CNTN6: variants seen among roughly 807,000 people sequenced by gnomAD.
CNTN6 encodes the protein contactin 6, also known as contactin-6.
CNTN6 carries 137 observed loss-of-function variants against 122.8 expected under a neutral mutation model. The observed-to-expected ratio is 1.12, with a 90% CI of 0.97 to 1.29. The LOEUF (loss-of-function observed/expected upper bound fraction) is 1.29, where lower values mean the gene tolerates loss of function less well. CNTN6 is among the 50% of genes most tolerant of loss of function. CNTN6 has a pLI of 0.00. For missense variants in CNTN6, 1,634 were observed against 1,223.4 expected, an observed-to-expected ratio of 1.34 and a Z score of -5.01; for synonymous variants, 570 against 426.0, an observed-to-expected ratio of 1.34 and a Z score of -4.16.
chr3:1,093,163 G>A (rs2090331621), intron 1 of CNTN6, 43 bp downstream of exon 1: 1 of 227,336 alleles, frequency 4.4e-6, no homozygotes, highest in Non-Finnish European at 9.0e-6. Flanking sequence ...CTGCTGCAAT[G>A]AGAATATTGC....
intron 1 of CNTN6, among the ~76,000 whole-genome samples, chr3:1,102,505 C>T (rs1022462418): frequency 7.3e-4 from 111 of 151,748 alleles, no homozygotes; most frequent in Middle Eastern, 6.8e-3. Flanking sequence ...CCGAGGTGGG[C>T]GGATCACCAG....
At chr3:1,294,604 T>G (rs960988331) in intron 5 of CNTN6, among the ~76,000 whole-genome samples, 25 of 152,172 alleles carry the variant, frequency 1.6e-4, no homozygotes, top group African/African-American at 5.8e-4. Context: ...CCACAAGATT[T>G]CCAGAGATGG....
rs191575643 is a variant in CNTN6, at chr3:1,225,879, G to T, written c.183-1939G>T. ...AATAATTTCAAAGTTAACAGAGTTG[G>T]TTCAAAACCTTTGATTGATTTGACA... is the stretch of plus-strand genomic sequence containing the variant. On this transcript the variant is annotated intron_variant, in intron 3 of 22. Coordinates refer to ENST00000446702, the MANE Select transcript of CNTN6 (RefSeq NM_001289080.2). Among the ~76,000 whole-genome samples the T allele has an allele frequency of 1.4e-3, 217 of 152,146 alleles. No homozygotes were observed. In the Middle Eastern group the frequency reaches 0.017, roughly 12 times the overall value.
At chr3:1,276,058 A>T (rs905287725) in intron 4 of CNTN6, among the ~76,000 whole-genome samples, 1 of 152,220 alleles carries the variant, frequency 6.6e-6, no homozygotes, top group African/African-American at 2.4e-5. Flanking sequence ...AGGTTGTTAA[A>T]AAATAAGCAA....
intron 3 of CNTN6, among the ~76,000 whole-genome samples, chr3:1,222,884 C>G (rs573868849): frequency 6.6e-6 from 1 of 152,008 alleles, no homozygotes; most frequent in Admixed American, 6.6e-5. Context: ...AGGCCCCAGT[C>G]GTTGTTCCCC....
intron 4 of CNTN6, among the ~76,000 whole-genome samples, chr3:1,271,070 G>T (rs9883084): frequency 0.22 from 33,494 of 152,022 alleles, 4,398 homozygotes; most frequent in East Asian, 0.52. Context: ...TAGAGACAGG[G>T]TTTCACCATG....
At chr3:1,275,387 T>A (rs1482688902) in intron 4 of CNTN6, among the ~76,000 whole-genome samples, 1 of 152,204 alleles carries the variant, frequency 6.6e-6, no homozygotes, top group Non-Finnish European at 1.5e-5. Context: ...CTTGGCAAGA[T>A]CACATATGAC....
At chr3:1,343,869 A>G (rs947991865) in intron 11 of CNTN6, among the ~76,000 whole-genome samples, 2 of 152,196 alleles carry the variant, frequency 1.3e-5, no homozygotes, top group Non-Finnish European at 1.5e-5. Context: ...ACATATTCAA[A>G]GTGATCTGAC....
chr3:1,365,947 T>A (rs1708157325), intron 12 of CNTN6, among the ~76,000 whole-genome samples: 1 of 152,158 alleles, frequency 6.6e-6, no homozygotes, highest in Admixed American at 6.5e-5. Context: ...TATTTGAATG[T>A]TTCTTAAATA....
chr3:1,241,854 G>T (rs992188981), intron 4 of CNTN6, among the ~76,000 whole-genome samples: 4 of 151,948 alleles, frequency 2.6e-5, no homozygotes, highest in African/African-American at 9.7e-5. Flanking sequence ...TTGTGATTTT[G>T]AAGGCCTCTA....
At chr3:1,128,900 AC>A (rs1362890213) in intron 1 of CNTN6, among the ~76,000 whole-genome samples, 2 of 151,980 alleles carry the variant, frequency 1.3e-5, no homozygotes, top group Non-Finnish European at 2.9e-5. Context: ...GTTCCATAAA[AC>A]CATTTTGGAT....
chr3:1,341,849 C>A (rs867893733), intron 11 of CNTN6, among the ~76,000 whole-genome samples: 2 of 152,080 alleles, frequency 1.3e-5, no homozygotes, highest in Admixed American at 6.6e-5. Context: ...ATTACAGACA[C>A]TAAGAATTCT....
At chr3:1,363,039 A>G (rs758290955) in intron 12 of CNTN6, among the ~76,000 whole-genome samples, 1 of 151,946 alleles carries the variant, frequency 6.6e-6, no homozygotes, top group Non-Finnish European at 1.5e-5. Context: ...CCCCCCAAAT[A>G]AAGACAAAAT....
At chr3:1,183,250 C>T (rs1206761203) in intron 2 of CNTN6, among the ~76,000 whole-genome samples, 1 of 152,050 alleles carries the variant, frequency 6.6e-6, no homozygotes, top group East Asian at 1.9e-4. Flanking sequence ...ATAAAAGGCA[C>T]CTGTGAATCC....
At chr3:1,371,427 C>T (rs995993162) in intron 12 of CNTN6, among the ~76,000 whole-genome samples, 1 of 151,956 alleles carries the variant, frequency 6.6e-6, no homozygotes, top group Non-Finnish European at 1.5e-5. Flanking sequence ...TAAGATGGTA[C>T]ATATCTAAAT....
intron 2 of CNTN6, among the ~76,000 whole-genome samples, chr3:1,181,794 G>A (rs1226633597): frequency 6.6e-6 from 1 of 152,052 alleles, no homozygotes; most frequent in Non-Finnish European, 1.5e-5. Context: ...ATTTTATTCT[G>A]CTCAGTCAGG....
chr3:1,270,792 G>GA (rs1473085201), intron 4 of CNTN6, among the ~76,000 whole-genome samples: 2 of 152,220 alleles, frequency 1.3e-5, no homozygotes, highest in East Asian at 3.8e-4. Flanking sequence ...TGAAAAGAGA[G>GA]AAAAGGTCTG....
intron 20 of CNTN6, among the ~76,000 whole-genome samples, chr3:1,393,991 G>A (rs774270573): frequency 1.8e-4 from 28 of 152,072 alleles, no homozygotes; most frequent in Non-Finnish European, 3.2e-4. Flanking sequence ...CTTCTTCCCT[G>A]CTATTCTTAA....
At chr3:1,204,802 T>G (rs1499095) in intron 2 of CNTN6, among the ~76,000 whole-genome samples, 1 of 151,928 alleles carries the variant, frequency 6.6e-6, no homozygotes, top group African/African-American at 2.4e-5. Context: ...CATGTGTAAC[T>G]AATATAACTC....
Sources: allele counts gnomAD v4.1 joint callset (sites outside exome capture counted in the v4.1 genomes callset), GRCh38; gene constraint gnomAD v4.1.1; transcripts MANE v1.5; gene names NCBI Gene and HGNC (gene_info 2026-07-23, HGNC 2026-07-21).